Variants in SERF2 observed in about 807,000 individuals in gnomAD.
The protein encoded by SERF2 is gastric cancer-related protein VRG107.
A neutral mutation model predicts 10.7 loss-of-function variants in SERF2; 4 were observed. That is an observed-to-expected ratio of 0.37 (90% CI 0.18 to 0.86). SERF2 has a LOEUF of 0.86. Among genes scored for constraint, SERF2 ranks in the 40% least tolerant of loss-of-function variants. SERF2 has a pLI of 0.43. For synonymous variants in SERF2, 26 were observed against 26.0 expected (o/e 1.00, Z 0.01); for missense variants, 47 against 79.1 (o/e 0.59, Z 1.54).
chr15:43,780,897 A>G (rs2086959218), intron 1 of SERF2, among the ~76,000 whole-genome samples: 1 of 152,076 alleles, frequency 6.6e-6, no homozygotes, highest in Admixed American at 6.6e-5. Flanking sequence ...CAATTTCACG[A>G]ATAGGGGAGA....
At chr15:43,787,346 T>C (rs1406183530), upstream of SERF2, among the ~76,000 whole-genome samples, 1 of 152,038 alleles carries the variant, frequency 6.6e-6, no homozygotes, top group Admixed American at 6.5e-5. Context: ...TTAGTTTACT[T>C]TGATTGACTT....
Position 43,795,304 on chromosome 15 carries a change from T to A in SERF2, c.*1531T>A. ...CTCACCAAATATAATGGCAGACCCA[T>A]GTGTGTCTGGAATGGCCTTGAATTG... On this transcript the variant is annotated 3_prime_UTR_variant, in exon 3 of 3. Transcript: ENST00000249786. 2 of 1,577,394 alleles carry A rather than the reference T, an allele frequency of 1.3e-6. No homozygotes were observed. The highest frequency in any genetic ancestry group is 1.7e-6 in the Non-Finnish European group (2 of 1,147,344).
In SERF2 at chr15:43,792,326, C is replaced by T. The variant is rs1297028545; in HGVS notation, c.-51C>T. On this transcript the variant is annotated 5_prime_UTR_variant, in exon 1 of 3. Transcript: ENST00000249786. ...CAGAAGGGGCGGGACCTGCAACGTC[C>T]GACAGAACGAGGGGACGTAACGGAG... 3 of 1,490,336 alleles carry T rather than the reference C, an allele frequency of 2.0e-6. No individual in the cohort carries two copies. Among genetic ancestry groups the T allele is most frequent in the Non-Finnish European group, 2.8e-6 (3 of 1,067,152 alleles). 92.3% of individuals were successfully genotyped at this position (1,490,336 alleles called of 1,614,324 possible). A position where few individuals can be genotyped will look rare whatever the true frequency, so the allele number is the denominator to read the frequency against.
At chr15:43,788,275 G>A (rs928761600), upstream of SERF2, among the ~76,000 whole-genome samples, 47 of 152,110 alleles carry the variant, frequency 3.1e-4, no homozygotes, top group African/African-American at 1.1e-3. Context: ...TTCCCAAAGT[G>A]CTGAGATTAC....
chr15:43,795,116 G>C lies in SERF2; in HGVS notation c.*1343G>C. Reference sequence around the variant, plus strand: ...CAGAGTGGTGCCAGTAACAGCCCCAGATAGAGGAGTACGCAGGCCCAGCAT... The same window carrying C: ...CAGAGTGGTGCCAGTAACAGCCCCACATAGAGGAGTACGCAGGCCCAGCAT... On this transcript the variant is annotated 3_prime_UTR_variant, in exon 3 of 3. Coordinates refer to ENST00000249786, the MANE Select transcript of SERF2 (RefSeq NM_001018108.4). 6.2e-7 allele frequency: 1 copy of C among 1,614,084 alleles called. No homozygotes were observed. The highest frequency in any genetic ancestry group is 1.1e-5 in the South Asian group (1 of 91,060).
At chr15:43,792,029 C>G (rs2087069353), upstream of SERF2, 3 of 473,200 alleles carry the variant, frequency 6.3e-6, no homozygotes, top group Admixed American at 3.3e-5. Context: ...TCTGCACGGT[C>G]ACGTGCTCGA....
chr15:43,793,613 A>G (rs1284635149), intron 2 of SERF2, 97 bp from the exon 3 acceptor site: 3 of 1,607,432 alleles, frequency 1.9e-6, no homozygotes, highest in African/African-American at 2.7e-5. Context: ...ACTTAGTCCC[A>G]TCCACTTCCA....
rs745672740 is a variant in SERF2, at chr15:43,795,482, G to A, written c.*1709G>A. 9 of 1,614,160 alleles carry A rather than the reference G, an allele frequency of 5.6e-6. No homozygotes were observed. Among genetic ancestry groups the A allele is most frequent in the South Asian group, 2.2e-5 (2 of 91,082 alleles). ...TAGTTGTAGGAAAGATGCTGGACTT[G>A]GACTGGAGGAGCTGGAGGGGTTTCT... On this transcript the variant is annotated 3_prime_UTR_variant, in exon 3 of 3. Coordinates refer to ENST00000249786, the MANE Select transcript of SERF2 (RefSeq NM_001018108.4).
chr15:43,788,872 G>A (rs1383374522), upstream of SERF2, among the ~76,000 whole-genome samples: 3 of 152,120 alleles, frequency 2.0e-5, no homozygotes, highest in East Asian at 3.9e-4. Flanking sequence ...CACTAGGGCC[G>A]GGCGCGGTGG....
At chr15:43,786,414 C>CAAAA (rs1190326241) in intron 2 of SERF2, among the ~76,000 whole-genome samples, 3 of 69,008 alleles carry the variant, frequency 4.3e-5, no homozygotes, top group African/African-American at 1.5e-4. Flanking sequence ...GACTCTGTCT[C>CAAAA]AAAAAAAAAA....
At chr15:43,787,683 C>T (rs2087019039), upstream of SERF2, among the ~76,000 whole-genome samples, 1 of 151,830 alleles carries the variant, frequency 6.6e-6, no homozygotes, top group African/African-American at 2.4e-5. Flanking sequence ...TAGGCGTGAG[C>T]CACCTTGCCC....
chr15:43,795,264 G>A lies in SERF2; in HGVS notation c.*1491G>A. ...AGAATATGAAGGGCCTTAGCTTTTAGACCTGTTCTACCTCCTCACCAAATA... is the reference window on the plus strand; with the variant it reads ...AGAATATGAAGGGCCTTAGCTTTTAAACCTGTTCTACCTCCTCACCAAATA... On this transcript the variant is annotated 3_prime_UTR_variant, in exon 3 of 3. Transcript: ENST00000249786. 1 of 1,599,594 alleles carries A rather than the reference G, an allele frequency of 6.3e-7. No homozygotes were observed. Among genetic ancestry groups the A allele is most frequent in the South Asian group, 1.1e-5 (1 of 90,650 alleles).
At chr15:43,785,378 C>G (rs2086998320) in intron 1 of SERF2, 1 of 151,586 alleles carries the variant, frequency 6.6e-6, no homozygotes, top group Non-Finnish European at 1.5e-5. Flanking sequence ...CTGAATGTTT[C>G]TTTCTTTCTT....
Position 43,795,860 on chromosome 15 carries a change from C to CTA in SERF2, c.*2088_*2089dup. ...GTGGAGGCACACCTGGGTTCAAATT[C>CTA]TAGCTCCAGCATATAAGTGGCTGTG... On this transcript the variant is annotated 3_prime_UTR_variant, in exon 3 of 3. Transcript: ENST00000249786. 1 of 934,634 alleles carries CTA rather than the reference C, an allele frequency of 1.1e-6. No homozygotes were observed. The allele number at this position is 934,634 out of a possible 1,614,324, so 57.9% of individuals were successfully genotyped here. A position where few individuals can be genotyped will look rare whatever the true frequency, so the allele number is the denominator to read the frequency against.
chr15:43,796,032 G>T lies in SERF2; in HGVS notation c.*2259G>T, dbSNP rs895530593. ...TAGCACAGTTGCCTAGCACATTGTG[G>T]GTACTCAATAAAAGGTAACAGCAGC... On this transcript the variant is annotated 3_prime_UTR_variant, in exon 3 of 3. Coordinates refer to ENST00000249786, the MANE Select transcript of SERF2 (RefSeq NM_001018108.4). 1.3e-6 allele frequency: 1 copy of T among 759,234 alleles called. No homozygotes were observed. Among genetic ancestry groups the T allele is most frequent in the Non-Finnish European group, 2.3e-6 (1 of 434,596 alleles). 47.0% of individuals were successfully genotyped at this position (759,234 alleles called of 1,614,324 possible).
chr15:43,795,815 G>C lies in SERF2; in HGVS notation c.*2042G>C. On this transcript the variant is annotated 3_prime_UTR_variant, in exon 3 of 3. Coordinates refer to ENST00000249786, the MANE Select transcript of SERF2 (RefSeq NM_001018108.4). ...ATCTAGGAAACTTCCCCCGTGAAAA[G>C]ATTGGTCTAGTATTAAAAAGTGGAG... 1 of 1,475,388 alleles carries C rather than the reference G, an allele frequency of 6.8e-7. No homozygotes were observed. Among genetic ancestry groups the C allele is most frequent in the African/African-American group, 1.4e-5 (1 of 71,936 alleles). The allele number at this position is 1,475,388 out of a possible 1,614,324, so 91.4% of individuals were successfully genotyped here. A position where few individuals can be genotyped will look rare whatever the true frequency, so the allele number is the denominator to read the frequency against.
chr15:43,785,782 T>G (rs1242242813), intron 2 of SERF2, among the ~76,000 whole-genome samples: 1 of 150,312 alleles, frequency 6.7e-6, no homozygotes, highest in Non-Finnish European at 1.5e-5. Flanking sequence ...CTCAGCTCAT[T>G]GCAACCTCCG....
intron 1 of SERF2, among the ~76,000 whole-genome samples, chr15:43,780,249 C>T (rs1227669178): frequency 1.3e-5 from 2 of 152,150 alleles, no homozygotes; most frequent in African/African-American, 4.8e-5. Flanking sequence ...ACGCCATTCT[C>T]CTGCCTCAGC....
chr15:43,790,996 C>T (rs1040839555), upstream of SERF2, among the ~76,000 whole-genome samples: 6 of 151,106 alleles, frequency 4.0e-5, no homozygotes, highest in Non-Finnish European at 8.8e-5. Context: ...TCTCGATGTC[C>T]TGACCTCGTG....
Sources: gnomAD v4.1 joint callset for allele counts (sites outside exome capture counted in the v4.1 genomes callset) on GRCh38, gnomAD v4.1.1 for gene constraint, MANE v1.5 for transcripts, NCBI Gene and HGNC (gene_info 2026-07-23, HGNC 2026-07-21) for gene names.